HECW1: variants seen among roughly 807,000 people sequenced by gnomAD.
HECW1 encodes the protein HECT, C2 and WW domain containing E3 ubiquitin protein ligase 1, also known as E3 ubiquitin-protein ligase HECW1.
A neutral mutation model predicts 182.3 loss-of-function variants in HECW1; 61 were observed. The observed-to-expected ratio is 0.33, with a 90% CI of 0.27 to 0.41. The LOEUF (loss-of-function observed/expected upper bound fraction) is 0.41. Ranked by LOEUF, HECW1 falls within the 10% of genes least tolerant of loss-of-function variation. HECW1 has a pLI of 1.00. For missense variants in HECW1, 1,739 were observed against 2,108.9 expected (o/e 0.82, Z 3.44); for synonymous variants, 859 against 832.6 (o/e 1.03, Z -0.55).
chr7:43,341,581 C>A (rs1813003680), intron 5 of HECW1, among the ~76,000 whole-genome samples: 1 of 151,814 alleles, frequency 6.6e-6, no homozygotes, highest in Non-Finnish European at 1.5e-5. Context: ...ATTAGAGAAG[C>A]ATGAGTTTAT....
chr7:43,358,213 A>T lies in HECW1; in HGVS notation c.461-2673A>T, dbSNP rs1197271154. Among the ~76,000 whole-genome samples the T allele has an allele frequency of 2.0e-5, 3 of 152,284 alleles. No homozygotes were observed. The East Asian group carries it at 5.8e-4, about 29-fold the overall frequency. ...CAGAGTAACTCATGCACTAGGCAAC[A>T]CTAACTCATTGTGATTAACTAGATA... On this transcript the variant is annotated intron_variant, in intron 5 of 29. Coordinates refer to ENST00000395891, the MANE Select transcript of HECW1 (RefSeq NM_015052.5).
intron 2 of HECW1, among the ~76,000 whole-genome samples, chr7:43,119,346 G>C (rs770528873): frequency 1.3e-5 from 2 of 152,286 alleles, no homozygotes; most frequent in South Asian, 4.1e-4. Flanking sequence ...TAAGCACCTG[G>C]CTTCTTCCAG....
chr7:43,537,545 A>G (rs1181268645), intron 24 of HECW1, among the ~76,000 whole-genome samples: 1 of 147,818 alleles, frequency 6.8e-6, no homozygotes, highest in Non-Finnish European at 1.5e-5. Context: ...CATTACTAGA[A>G]GGTGTTTTCT....
chr7:43,366,951 A>AT (rs1227571554), intron 6 of HECW1, among the ~76,000 whole-genome samples: 1 of 152,058 alleles, frequency 6.6e-6, no homozygotes. Context: ...CCAAGATGCT[A>AT]TTTTCTCTTA....
chr7:43,415,639 C>A (rs916554980), intron 8 of HECW1, among the ~76,000 whole-genome samples: 5 of 148,358 alleles, frequency 3.4e-5, no homozygotes, highest in African/African-American at 1.2e-4. Context: ...AACTTGGTTC[C>A]ATTCTCCCCA....
chr7:43,428,560 T>A (rs555261745), intron 8 of HECW1, among the ~76,000 whole-genome samples: 1 of 152,310 alleles, frequency 6.6e-6, no homozygotes, highest in South Asian at 2.1e-4. Context: ...GAGGAAAGAA[T>A]GGACTCTAGA....
At chr7:43,327,519 T>C (rs1484346539) in intron 5 of HECW1, among the ~76,000 whole-genome samples, 1 of 152,178 alleles carries the variant, frequency 6.6e-6, no homozygotes, top group Non-Finnish European at 1.5e-5. Context: ...TTTTTATCCT[T>C]TCACCACACA....
chr7:43,133,132 T>G (rs1787142351), intron 2 of HECW1, among the ~76,000 whole-genome samples: 1 of 152,156 alleles, frequency 6.6e-6, no homozygotes, highest in Non-Finnish European at 1.5e-5. Flanking sequence ...AGAATTAAAC[T>G]ATCTTTACAG....
chr7:43,300,732 T>C (rs1806649625), intron 3 of HECW1, among the ~76,000 whole-genome samples: 1 of 152,144 alleles, frequency 6.6e-6, no homozygotes, highest in South Asian at 2.1e-4. Flanking sequence ...CACTGTGTAC[T>C]GATGATGGGC....
chr7:43,467,190 T>A (rs951506510), intron 15 of HECW1, among the ~76,000 whole-genome samples: 5 of 152,078 alleles, frequency 3.3e-5, no homozygotes, highest in African/African-American at 1.2e-4. Flanking sequence ...GAGTAGGAGT[T>A]CCCATTTTGA....
chr7:43,477,373 T>C (rs1199982886), intron 16 of HECW1, among the ~76,000 whole-genome samples: 1 of 152,230 alleles, frequency 6.6e-6, no homozygotes, highest in Admixed American at 6.5e-5. Flanking sequence ...GGAACCTATT[T>C]AATTTAATTT....
chr7:43,114,222 G>C lies in HECW1; in HGVS notation c.-201G>C, dbSNP rs1192450865. ...CAGCATAGTTCAAAAATTGAGGGAG[G>C]CATCTTCTCTCTTTTCCTGGGATTT... On this transcript the variant is annotated 5_prime_UTR_variant, in exon 2 of 30. Transcript: ENST00000395891. 2 of 1,358,526 alleles carry C rather than the reference G, an allele frequency of 1.5e-6. No individual in the cohort carries two copies. The highest frequency in any genetic ancestry group is 1.9e-6 in the Non-Finnish European group (2 of 1,032,862). 84.2% of individuals were successfully genotyped at this position (1,358,526 alleles called of 1,614,324 possible). A position where few individuals can be genotyped will look rare whatever the true frequency, so the allele number is the denominator to read the frequency against.
chr7:43,164,994 A>G (rs954887774), intron 2 of HECW1, among the ~76,000 whole-genome samples: 4 of 152,192 alleles, frequency 2.6e-5, no homozygotes, highest in Non-Finnish European at 5.9e-5. Flanking sequence ...GAGTCAGGGA[A>G]TGCCCCTTTG....
intron 16 of HECW1, 29 bp from the exon 17 acceptor site, chr7:43,479,581 G>C (rs750169030): frequency 3.1e-6 from 5 of 1,613,486 alleles, no homozygotes; most frequent in South Asian, 2.2e-5. Context: ...CACACCACAC[G>C]GTGCTTTTTT....
chr7:43,185,806 G>T lies in HECW1; in HGVS notation c.-31-58069G>T, dbSNP rs1289010281. On this transcript the variant is annotated intron_variant, in intron 2 of 29. Transcript: ENST00000395891. ...AGGATAGAATGAGTTTTGAGTATTT[G>T]TTACATTTTCCTTTAATATAATTTA... is the stretch of plus-strand genomic sequence containing the variant. Among the ~76,000 whole-genome samples, 5 of 152,008 alleles carry T rather than the reference G, an allele frequency of 3.3e-5. No homozygotes were observed. In the South Asian group the frequency reaches 6.2e-4, roughly 19 times the overall value.
At chr7:43,159,750 T>G (rs1383888332) in intron 2 of HECW1, among the ~76,000 whole-genome samples, 1 of 110,854 alleles carries the variant, frequency 9.0e-6, no homozygotes, top group Non-Finnish European at 1.8e-5. Context: ...TGGCGATCTC[T>G]GCTCACTGCA....
At chr7:43,199,398 T>C (rs1313891566) in intron 2 of HECW1, among the ~76,000 whole-genome samples, 3 of 152,234 alleles carry the variant, frequency 2.0e-5, no homozygotes, top group Non-Finnish European at 4.4e-5. Flanking sequence ...CTTTGAGAGT[T>C]TCCATGATCA....
At chr7:43,458,642 T>G (rs977935970) in intron 13 of HECW1, among the ~76,000 whole-genome samples, 2 of 152,252 alleles carry the variant, frequency 1.3e-5, no homozygotes, top group Admixed American at 6.5e-5. Flanking sequence ...AACCTTCAGA[T>G]AAGTATCCAG....
chr7:43,326,501 C>T (rs189880679), intron 5 of HECW1, among the ~76,000 whole-genome samples: 37 of 152,322 alleles, frequency 2.4e-4, no homozygotes, highest in African/African-American at 7.7e-4. Context: ...CTCCACAAGG[C>T]GGCCCCATGA....
Sources: gnomAD v4.1 joint callset for allele counts (sites outside exome capture counted in the v4.1 genomes callset) on GRCh38, gnomAD v4.1.1 for gene constraint, MANE v1.5 for transcripts, NCBI Gene and HGNC (gene_info 2026-07-23, HGNC 2026-07-21) for gene names.